IL36B: variants seen among roughly 807,000 people sequenced by gnomAD.
The protein encoded by IL36B is interleukin 36 beta.
Under a neutral mutation model 19.3 loss-of-function variants are expected in IL36B, and 23 were observed. That is an observed-to-expected ratio of 1.19 (90% CI 0.86 to 1.69). The LOEUF is 1.69. IL36B is among the 40% of genes most tolerant of loss of function. The pLI, the probability that IL36B is intolerant of heterozygous loss-of-function variation, is 0.00. For missense variants in IL36B, 217 were observed against 200.5 expected, an observed-to-expected ratio of 1.08 and a Z score of -0.50; for synonymous variants, 59 against 59.7, an observed-to-expected ratio of 0.99 and a Z score of 0.05.
At chr2:113,050,800 A>G (rs1685429567) in intron 1 of IL36B, among the ~76,000 whole-genome samples, 1 of 152,196 alleles carries the variant, frequency 6.6e-6, no homozygotes, top group African/African-American at 2.4e-5. Flanking sequence ...AGCCGAGGAG[A>G]GCTGGGGCTT....
chr2:113,037,608 C>T (rs578239902), intron 1 of IL36B, among the ~76,000 whole-genome samples: 26 of 150,820 alleles, frequency 1.7e-4, no homozygotes, highest in Non-Finnish European at 3.8e-4. Context: ...GAAATCACGC[C>T]ACTGCACTCC....
chr2:113,039,928 G>A (rs1176733625), intron 1 of IL36B, among the ~76,000 whole-genome samples: 1 of 152,182 alleles, frequency 6.6e-6, no homozygotes, highest in Non-Finnish European at 1.5e-5. Context: ...AGATCCTGGA[G>A]GGAGTAGTCA....
intron 1 of IL36B, among the ~76,000 whole-genome samples, chr2:113,046,208 CTT>C (rs1179343491): frequency 8.9e-5 from 1 of 11,190 alleles, no homozygotes; most frequent in Non-Finnish European, 1.5e-4. Context: ...CAGGTTTTTT[CTT>C]TTTTTTTTTT....
At chr2:113,046,964 A>T (rs558640574) in intron 1 of IL36B, among the ~76,000 whole-genome samples, 2 of 152,328 alleles carry the variant, frequency 1.3e-5, no homozygotes, top group Admixed American at 1.3e-4. Flanking sequence ...TGGATAGCTA[A>T]ATAAATAATT....
chr2:113,040,280 GA>G (rs576993462), intron 1 of IL36B, among the ~76,000 whole-genome samples: 4 of 151,680 alleles, frequency 2.6e-5, no homozygotes, highest in South Asian at 2.1e-4. Flanking sequence ...TAGTGCCCAA[GA>G]AAAAAAAGTC....
At chr2:113,049,151 A>G (rs1187909474) in intron 1 of IL36B, among the ~76,000 whole-genome samples, 2 of 152,204 alleles carry the variant, frequency 1.3e-5, no homozygotes, top group African/African-American at 2.4e-5. Flanking sequence ...TCAACTCAAA[A>G]TGAATCAAAG....
chr2:113,049,657 G>A (rs1685408082), intron 1 of IL36B, among the ~76,000 whole-genome samples: 1 of 152,188 alleles, frequency 6.6e-6, no homozygotes, highest in Non-Finnish European at 1.5e-5. Flanking sequence ...GTGTTGATGA[G>A]AATGTGGAGG....
chr2:113,042,336 T>G (rs1685272264), intron 1 of IL36B, among the ~76,000 whole-genome samples: 1 of 141,556 alleles, frequency 7.1e-6, no homozygotes, highest in South Asian at 2.5e-4. Context: ...TATTGAGGAA[T>G]AATTAGCACA....
chr2:113,047,754 T>C (rs1203602968), intron 1 of IL36B, among the ~76,000 whole-genome samples: 1 of 152,128 alleles, frequency 6.6e-6, no homozygotes, highest in Non-Finnish European at 1.5e-5. Flanking sequence ...ATTGGAAATA[T>C]ATTGTTGTAA....
intron 3 of IL36B, among the ~76,000 whole-genome samples, chr2:113,029,582 A>T (rs1685035318): frequency 6.6e-6 from 1 of 152,204 alleles, no homozygotes; most frequent in Non-Finnish European, 1.5e-5. Flanking sequence ...CGGCTCGAGG[A>T]AATGGAGTGG....
At chr2:113,022,979 T>TGAC (rs1684889147) in intron 5 of IL36B, among the ~76,000 whole-genome samples, 2 of 152,062 alleles carry the variant, frequency 1.3e-5, no homozygotes, top group African/African-American at 4.8e-5. Context: ...GAAATTAGAG[T>TGAC]TGGTGGGCAT....
At chr2:113,049,182 C>T (rs990294171) in intron 1 of IL36B, among the ~76,000 whole-genome samples, 1 of 151,948 alleles carries the variant, frequency 6.6e-6, no homozygotes, top group African/African-American at 2.4e-5. Context: ...AAGTTAAAGC[C>T]CTTAGAAGAA....
intron 1 of IL36B, among the ~76,000 whole-genome samples, chr2:113,050,040 G>A (rs986338876): frequency 6.6e-6 from 1 of 151,942 alleles, no homozygotes; most frequent in Admixed American, 6.6e-5. Context: ...TGTGGAAAAC[G>A]GTATGGTTGT....
chr2:113,046,208 C>CTT (rs1179343491), intron 1 of IL36B, among the ~76,000 whole-genome samples: 16 of 11,186 alleles, frequency 1.4e-3, no homozygotes, highest in South Asian at 0.015. Flanking sequence ...CAGGTTTTTT[C>CTT]TTTTTTTTTT....
chr2:113,027,715 C>T, intron 4 of IL36B: 3 of 1,422,802 alleles, frequency 2.1e-6, no homozygotes, highest in East Asian at 2.5e-5. Flanking sequence ...GGGATAGTGA[C>T]ATTCGAGTGA....
Position 113,022,367 on chromosome 2 carries a change from G to T in IL36B, c.*307C>A, listed in dbSNP as rs902191716. 5.0e-6 allele frequency: 1 copy of T among 199,058 alleles called. No homozygotes were observed. The highest frequency in any genetic ancestry group is 2.4e-5 in the African/African-American group (1 of 42,388). 12.3% of individuals were successfully genotyped at this position (199,058 alleles called of 1,614,324 possible). On this transcript the variant is annotated 3_prime_UTR_variant, in exon 6 of 6. Transcript: ENST00000259213. ...TGCTCTGTGGGAATTCAGGAGCAAT[G>T]TTGTCTGATCTTCCCATTTTTCATG... is the stretch of plus-strand genomic sequence containing the variant.
chr2:113,027,911 C>T (rs926462674), intron 4 of IL36B: 2 of 1,614,034 alleles, frequency 1.2e-6, no homozygotes, highest in Non-Finnish European at 1.7e-6. Flanking sequence ...ATTTATTCCA[C>T]AGAATCTAAG....
intron 1 of IL36B, among the ~76,000 whole-genome samples, chr2:113,043,444 AT>A (rs1685295253): frequency 6.6e-6 from 1 of 152,132 alleles, no homozygotes; most frequent in African/African-American, 2.4e-5. Context: ...ATTTTGAATT[AT>A]TTTTCCATAT....
chr2:113,033,258 G>A (rs1273407562), intron 1 of IL36B, among the ~76,000 whole-genome samples: 2 of 152,034 alleles, frequency 1.3e-5, no homozygotes, highest in East Asian at 1.9e-4. Flanking sequence ...ATGGAGTCTC[G>A]CTCTCGCTCT....
Sources: gnomAD v4.1 joint callset for allele counts (sites outside exome capture counted in the v4.1 genomes callset) on GRCh38, gnomAD v4.1.1 for gene constraint, MANE v1.5 for transcripts, NCBI Gene and HGNC (gene_info 2026-07-23, HGNC 2026-07-21) for gene names.